FXR1: variants seen among roughly 807,000 people sequenced by gnomAD.
FXR1 encodes RNA-binding protein FXR1.
FXR1 carries 15 observed loss-of-function variants against 84.0 expected under a neutral mutation model. The observed-to-expected ratio is 0.18, with a 90% CI of 0.12 to 0.27. The LOEUF (loss-of-function observed/expected upper bound fraction) is 0.27, where lower values mean the gene tolerates loss of function less well. FXR1 is among the 10% of genes least tolerant of loss of function. The pLI is 1.00. For synonymous variants in FXR1, 245 were observed against 250.7 expected, an observed-to-expected ratio of 0.98 and a Z score of 0.21; for missense variants, 480 against 774.4, an observed-to-expected ratio of 0.62 and a Z score of 4.51.
At chr3:180,924,654 A>AC (rs1718957597) in intron 1 of FXR1, among the ~76,000 whole-genome samples, 2 of 151,988 alleles carry the variant, frequency 1.3e-5, no homozygotes, top group Admixed American at 1.3e-4. Flanking sequence ...TGGAAGATCA[A>AC]CCAATTTTTG....
In FXR1 at chr3:180,959,479, G is replaced by A. The variant is rs564827276; in HGVS notation, c.990+1551G>A. On this transcript the variant is annotated intron_variant, in intron 10 of 16. Coordinates refer to ENST00000357559, the MANE Select transcript of FXR1 (RefSeq NM_005087.4). ...GTAACTAGATGAAATTGGCTGGCTC[G>A]GTTGCTAATTTTATGACTTCAGCAA... is the stretch of plus-strand genomic sequence containing the variant. Among the ~76,000 whole-genome samples the A allele has an allele frequency of 7.9e-5, 12 of 151,880 alleles. No homozygotes were observed. In the South Asian group the frequency reaches 1.7e-3, roughly 21 times the overall value.
chr3:180,922,884 G>T (rs1159088207), intron 1 of FXR1, among the ~76,000 whole-genome samples: 3 of 152,142 alleles, frequency 2.0e-5, no homozygotes, highest in African/African-American at 7.2e-5. Context: ...AAAGTGCTGG[G>T]ATTACAGGTG....
intron 1 of FXR1, among the ~76,000 whole-genome samples, chr3:180,920,669 G>A (rs912208545): frequency 6.6e-6 from 1 of 152,000 alleles, no homozygotes; most frequent in Non-Finnish European, 1.5e-5. Context: ...GCACCACCAC[G>A]CCCGGCTAAT....
chr3:180,935,318 G>A (rs112173358), intron 3 of FXR1, 87 bp downstream of exon 3: 1 of 657,630 alleles, frequency 1.5e-6, no homozygotes, highest in Non-Finnish European at 2.7e-6. Context: ...GTTGATGGAG[G>A]ATAAATCTAA....
At chr3:180,962,827 T>TA in intron 11 of FXR1, 56 bp from the exon 12 acceptor site, 3 of 1,230,694 alleles carry the variant, frequency 2.4e-6, no homozygotes, top group Non-Finnish European at 3.6e-6. Context: ...CTTTAGGCTT[T>TA]AGGAAAACAA....
chr3:180,951,581 T>C (rs1242993853), intron 8 of FXR1, 113 bp downstream of exon 8: 1 of 727,976 alleles, frequency 1.4e-6, no homozygotes, highest in African/African-American at 1.8e-5. Flanking sequence ...TAGAATTTAT[T>C]CAATTAGCAT....
Position 180,957,905 on chromosome 3 carries a change from G to A in FXR1, c.967G>A (p.Glu323Lys). The A allele has an allele frequency of 6.5e-7, 1 of 1,530,042 alleles. No homozygotes were observed. The highest frequency in any genetic ancestry group is 9.0e-7 in the Non-Finnish European group (1 of 1,111,288). The allele number at this position is 1,530,042 out of a possible 1,614,324, so 94.8% of individuals were successfully genotyped here. A position where few individuals can be genotyped will look rare whatever the true frequency, so the allele number is the denominator to read the frequency against. Residue 323 changes from glutamate (E) to lysine (K), a missense_variant, in exon 10 of 17, where the codon GAA (glutamate) becomes AAA (lysine). By Grantham distance (56) the Glu-to-Lys change is moderately conservative (BLOSUM62 1). Coordinates refer to ENST00000357559, the MANE Select transcript of FXR1 (RefSeq NM_005087.4). ...TCGAGTGAGAATTGAAGGGGACAAT[G>A]AAAATAAATTACCCAGAGAAGACGT... is the stretch of plus-strand genomic sequence containing the variant. ...VVRVRIEGDN[E>K]NKLPREDGMV...
At chr3:180,915,397 T>A (rs1355207199) in intron 1 of FXR1, 2 of 726,832 alleles carry the variant, frequency 2.8e-6, no homozygotes, top group Non-Finnish European at 4.4e-6. Context: ...GTTTTTCTTA[T>A]TCAGAACGTT....
At chr3:180,943,028 G>T (rs1025078698) in intron 3 of FXR1, among the ~76,000 whole-genome samples, 2 of 152,048 alleles carry the variant, frequency 1.3e-5, no homozygotes, top group African/African-American at 4.8e-5. Context: ...GTGCAGTGGC[G>T]TGATCTCGGC....
In FXR1 at chr3:180,974,810, C is replaced by T. The variant is rs1375202875; in HGVS notation, c.1604-503C>T. Reference sequence around the variant, plus strand: ...GTTAAAACAAAACCATAGAATAAACCACACTTGGATATCTTAATTGTGCTT... The same window carrying T: ...GTTAAAACAAAACCATAGAATAAACTACACTTGGATATCTTAATTGTGCTT... On this transcript the variant is annotated intron_variant, in intron 15 of 16. Coordinates refer to ENST00000357559, the MANE Select transcript of FXR1 (RefSeq NM_005087.4). 2.0e-5 allele frequency among the ~76,000 whole-genome samples: 3 copies of T among 152,010 alleles called. No homozygotes were observed. The East Asian group carries it at 5.8e-4, about 29-fold the overall frequency.
chr3:180,955,312 C>A (rs1444114963), intron 9 of FXR1, among the ~76,000 whole-genome samples: 1 of 151,994 alleles, frequency 6.6e-6, no homozygotes. Context: ...AAAAGCCTTT[C>A]AATTCTCCTC....
chr3:180,976,488 A>ATATC lies in FXR1; in HGVS notation c.*197_*200dup. The ATATC allele has an allele frequency of 2.5e-6, 1 of 397,824 alleles. No homozygotes were observed. The highest frequency in any genetic ancestry group is 5.9e-5 in the South Asian group (1 of 16,898). The allele number at this position is 397,824 out of a possible 1,614,324, so 24.6% of individuals were successfully genotyped here. ...TTTGACACCTACTGTGTTATAAAAT[A>ATATC]TATCATCAGATGTGCCTTGAGAATA... On this transcript the variant is annotated 3_prime_UTR_variant, in exon 17 of 17. Coordinates refer to ENST00000357559, the MANE Select transcript of FXR1 (RefSeq NM_005087.4).
intron 9 of FXR1, among the ~76,000 whole-genome samples, chr3:180,956,567 A>G (rs908760786): frequency 6.6e-6 from 1 of 152,162 alleles, no homozygotes; most frequent in Non-Finnish European, 1.5e-5. Context: ...ACATTTGCTT[A>G]CTTTTAGCAG....
chr3:180,973,013 A>T (rs1475917641), intron 15 of FXR1, among the ~76,000 whole-genome samples: 1 of 152,226 alleles, frequency 6.6e-6, no homozygotes, highest in Non-Finnish European at 1.5e-5. Context: ...AATATTCTTT[A>T]CCACACTTAG....
intron 1 of FXR1, among the ~76,000 whole-genome samples, chr3:180,922,647 G>A (rs1245526355): frequency 3.9e-5 from 6 of 152,170 alleles, no homozygotes; most frequent in African/African-American, 1.4e-4. Context: ...AAATAATACT[G>A]TGTCACCCAG....
chr3:180,933,235 T>G (rs1720141155), intron 1 of FXR1, 99 bp from the exon 2 acceptor site: 1 of 700,504 alleles, frequency 1.4e-6, no homozygotes, highest in Admixed American at 2.7e-5. Context: ...AAACCTTGTG[T>G]TCTTTTAGTA....
At chr3:180,933,968 C>CTA (rs1009585842) in intron 2 of FXR1, among the ~76,000 whole-genome samples, 4 of 144,270 alleles carry the variant, frequency 2.8e-5, no homozygotes, top group African/African-American at 7.9e-5. Context: ...AAAAAATTAG[C>CTA]TAGTCATGGT....
chr3:180,921,578 A>G (rs531918586), intron 1 of FXR1, among the ~76,000 whole-genome samples: 1 of 152,234 alleles, frequency 6.6e-6, no homozygotes, highest in Non-Finnish European at 1.5e-5. Flanking sequence ...ACTATTTGGT[A>G]CTTGTTGGAA....
At chr3:180,961,050 GC>G (rs1223537500) in intron 10 of FXR1, among the ~76,000 whole-genome samples, 1 of 151,996 alleles carries the variant, frequency 6.6e-6, no homozygotes, top group East Asian at 1.9e-4. Flanking sequence ...ATATATTGGG[GC>G]TGGGTACAGT....
Sources: gnomAD v4.1 joint callset for allele counts (sites outside exome capture counted in the v4.1 genomes callset) on GRCh38, gnomAD v4.1.1 for gene constraint, MANE v1.5 for transcripts, NCBI Gene and HGNC (gene_info 2026-07-23, HGNC 2026-07-21) for gene names.